Variants in MBTD1 observed in about 807,000 individuals in gnomAD.
MBTD1 encodes the protein MBT domain-containing protein 1.
MBTD1 carries 24 observed loss-of-function variants against 87.8 expected under a neutral mutation model. The observed-to-expected ratio is 0.27, with a 90% CI of 0.20 to 0.38. The LOEUF is 0.38. Among genes scored for constraint, MBTD1 ranks in the 10% least tolerant of loss-of-function variants. The probability of loss-of-function intolerance (pLI) is 1.00; values close to 1 mark genes in which losing one functional copy is unlikely to be tolerated. For missense variants in MBTD1, 436 were observed against 760.2 expected (o/e 0.57, Z 5.02); for synonymous variants, 237 against 248.6 (o/e 0.95, Z 0.44).
At chr17:51,259,298 G>A (rs903283686) in intron 1 of MBTD1, 92 bp from the exon 2 acceptor site, 7 of 1,227,052 alleles carry the variant, frequency 5.7e-6, no homozygotes, top group Admixed American at 8.4e-5. Flanking sequence ...CAGCCTTGGA[G>A]GCTGCTTCCC....
At chr17:51,249,253 T>TG (rs1430563815) in intron 2 of MBTD1, among the ~76,000 whole-genome samples, 1 of 151,268 alleles carries the variant, frequency 6.6e-6, no homozygotes, top group Non-Finnish European at 1.5e-5. Flanking sequence ...GAGTTGGGGG[T>TG]GGGGGGAAGC....
intron 2 of MBTD1, among the ~76,000 whole-genome samples, chr17:51,255,229 C>T (rs769690952): frequency 1.8e-4 from 28 of 151,740 alleles, no homozygotes; most frequent in Admixed American, 4.6e-4. Flanking sequence ...TGCAGTGAGC[C>T]GAGCTCATGC....
intron 2 of MBTD1, among the ~76,000 whole-genome samples, chr17:51,243,765 G>A (rs1027882140): frequency 4.6e-5 from 7 of 152,088 alleles, no homozygotes; most frequent in Non-Finnish European, 8.8e-5. Flanking sequence ...GGTGTCAAGC[G>A]ATCCTCCCAC....
intron 12 of MBTD1, among the ~76,000 whole-genome samples, chr17:51,200,255 T>C (rs1414282485): frequency 6.6e-6 from 1 of 152,208 alleles, no homozygotes; most frequent in East Asian, 1.9e-4. Context: ...GATATTCACC[T>C]GAGACCTTAA....
intron 2 of MBTD1, among the ~76,000 whole-genome samples, chr17:51,240,145 C>T (rs1195595764): frequency 2.6e-5 from 4 of 151,900 alleles, no homozygotes; most frequent in Admixed American, 2.6e-4. Context: ...TTCTTAAAGA[C>T]TTTATTTTTT....
At chr17:51,224,969 C>G (rs2053128097) in intron 3 of MBTD1, 39 bp downstream of exon 3, 1 of 1,351,122 alleles carries the variant, frequency 7.4e-7, no homozygotes, top group African/African-American at 1.5e-5. Flanking sequence ...CACCCTTAAA[C>G]ATAAAGCTGT....
intron 8 of MBTD1, 80 bp from the exon 9 acceptor site, chr17:51,203,308 T>G: frequency 1.3e-6 from 1 of 747,620 alleles, no homozygotes; most frequent in East Asian, 2.9e-5. Flanking sequence ...AGTAACAAAT[T>G]TCCTTGCAAA....
At chr17:51,247,813 G>A (rs1373894717) in intron 2 of MBTD1, among the ~76,000 whole-genome samples, 1 of 152,182 alleles carries the variant, frequency 6.6e-6, no homozygotes, top group Non-Finnish European at 1.5e-5. Flanking sequence ...GTAGCATCGG[G>A]AGTATCTGGT....
intron 2 of MBTD1, among the ~76,000 whole-genome samples, chr17:51,257,028 A>T (rs930428397): frequency 3.3e-5 from 5 of 152,222 alleles, no homozygotes; most frequent in Admixed American, 6.5e-5. Context: ...AAGAAGAGAA[A>T]TCCTAAATTT....
chr17:51,241,126 C>T (rs1334331745), intron 2 of MBTD1, among the ~76,000 whole-genome samples: 1 of 152,008 alleles, frequency 6.6e-6, no homozygotes, highest in Non-Finnish European at 1.5e-5. Context: ...TTACACGTGT[C>T]ACCTCACCCA....
chr17:51,202,753 T>C lies in MBTD1; in HGVS notation c.1011A>G (p.Leu337=), dbSNP rs532242674. 1 of 1,614,162 alleles carries C rather than the reference T, an allele frequency of 6.2e-7. No individual in the cohort carries two copies. Among genetic ancestry groups the C allele is most frequent in the East Asian group, 2.2e-5 (1 of 44,864 alleles). Residue 337 remains leucine (L), a synonymous_variant, in exon 10 of 17, where the codon TTA becomes TTG. Coordinates refer to ENST00000586178, the MANE Select transcript of MBTD1 (RefSeq NM_017643.3). ...TTCGAGACCAACCAATATGATGTATTAATGGGCTGTGCATATGGCACCAGA... is the reference window on the plus strand; with the variant it reads ...TTCGAGACCAACCAATATGATGTATCAATGGGCTGTGCATATGGCACCAGA... ...DDFWCHMHSP[L]IHHIGWSRSI...
upstream of MBTD1, chr17:51,260,762 G>A (rs1011153068): frequency 9.5e-6 from 15 of 1,582,084 alleles, no homozygotes; most frequent in Non-Finnish European, 1.1e-5. Context: ...GGCGGCCGCT[G>A]CGATTGCAGT....
At position 51,253,929 on chromosome 17, in the gene MBTD1, A is replaced by C. The variant is rs115150214; in HGVS notation, c.-49+5214T>G. On this transcript the variant is annotated intron_variant, in intron 2 of 16. Coordinates refer to ENST00000586178, the MANE Select transcript of MBTD1 (RefSeq NM_017643.3). Reference sequence around the variant, plus strand: ...ATGACAGAAAACACTTGAAATCTTAAATGCAGGTGTCAATAAACATGGAGC... The same window carrying C: ...ATGACAGAAAACACTTGAAATCTTACATGCAGGTGTCAATAAACATGGAGC... 2.5e-3 allele frequency among the ~76,000 whole-genome samples: 383 copies of C among 152,256 alleles called. 3 individuals carry two copies. The highest frequency in any genetic ancestry group is 8.8e-3 in the African/African-American group (367 of 41,558).
chr17:51,201,821 T>C (rs1598319918), intron 11 of MBTD1, 125 bp from the exon 12 acceptor site: 1 of 766,714 alleles, frequency 1.3e-6, no homozygotes, highest in Non-Finnish European at 2.2e-6. Context: ...TAACTCAAAC[T>C]TCCATTAAGG....
At chr17:51,188,297 A>T (rs1184471675) in intron 16 of MBTD1, among the ~76,000 whole-genome samples, 1 of 152,308 alleles carries the variant, frequency 6.6e-6, no homozygotes, top group East Asian at 1.9e-4. Flanking sequence ...TTCTGGCAGA[A>T]CCTTATACTT....
intron 2 of MBTD1, among the ~76,000 whole-genome samples, chr17:51,239,850 A>G (rs1010200547): frequency 2.6e-5 from 4 of 152,160 alleles, no homozygotes; most frequent in Non-Finnish European, 4.4e-5. Flanking sequence ...CTCTTACATA[A>G]TCATAGGTCA....
chr17:51,206,023 C>G (rs1299008888), intron 7 of MBTD1, among the ~76,000 whole-genome samples: 1 of 152,124 alleles, frequency 6.6e-6, no homozygotes, highest in Non-Finnish European at 1.5e-5. Flanking sequence ...AGTATCTTGT[C>G]ATATTAATAC....
intron 2 of MBTD1, among the ~76,000 whole-genome samples, chr17:51,246,760 T>C (rs1210866279): frequency 1.3e-5 from 2 of 152,064 alleles, no homozygotes; most frequent in African/African-American, 4.8e-5. Context: ...CTTAGCCTCC[T>C]GAGTAGCTGG....
rs1030607814 is a variant in MBTD1, at chr17:51,230,355, C to G, written c.-48-5146G>C. ...GATACTTGTTAGCTGTGAACTTGTG[C>G]AAGTTATGGGTTTCTTCTCTTACTC... is the stretch of plus-strand genomic sequence containing the variant. On this transcript the variant is annotated intron_variant, in intron 2 of 16. Transcript: ENST00000586178. 5.5e-4 allele frequency among the ~76,000 whole-genome samples: 83 copies of G among 152,238 alleles called. 1 individual carries two copies. Among genetic ancestry groups the G allele is most frequent in the African/African-American group, 1.7e-3 (71 of 41,534 alleles).
Sources: gnomAD v4.1 joint callset for allele counts (sites outside exome capture counted in the v4.1 genomes callset) on GRCh38, gnomAD v4.1.1 for gene constraint, MANE v1.5 for transcripts, NCBI Gene and HGNC (gene_info 2026-07-23, HGNC 2026-07-21) for gene names.